PDE4D: variants seen among roughly 807,000 people sequenced by gnomAD.
The protein encoded by PDE4D is 3',5'-cyclic-AMP phosphodiesterase 4D.
PDE4D carries 24 observed loss-of-function variants against 87.4 expected under a neutral mutation model. The ratio of observed to expected loss-of-function variants is 0.27; its 90% CI spans 0.20 to 0.39. The LOEUF is 0.39. PDE4D is among the 10% of genes least tolerant of loss of function. The pLI, the probability that PDE4D is intolerant of heterozygous loss-of-function variation, is 1.00. For missense variants in PDE4D, 714 were observed against 1,041.0 expected, an observed-to-expected ratio of 0.69 and a Z score of 4.32; for synonymous variants, 384 against 383.2, an observed-to-expected ratio of 1.00 and a Z score of -0.02.
intron 1 of PDE4D, among the ~76,000 whole-genome samples, chr5:59,463,281 T>C (rs1473736578): frequency 6.6e-6 from 1 of 152,226 alleles, no homozygotes; most frequent in Admixed American, 6.5e-5. Flanking sequence ...CAATTCCTTA[T>C]ACTTTGGTTA....
At chr5:60,402,277 T>C (rs1741159579) in intron 1 of PDE4D, among the ~76,000 whole-genome samples, 1 of 152,126 alleles carries the variant, frequency 6.6e-6, no homozygotes, top group African/African-American at 2.4e-5. Flanking sequence ...TGGGAAGACA[T>C]GCGAATTTTG....
intron 5 of PDE4D, among the ~76,000 whole-genome samples, chr5:59,121,277 G>T (rs912656682): frequency 6.6e-6 from 1 of 152,110 alleles, no homozygotes; most frequent in African/African-American, 2.4e-5. Context: ...TCTATTAAAT[G>T]GGAGAAAATA....
intron 1 of PDE4D, among the ~76,000 whole-genome samples, chr5:59,272,979 G>A (rs1248296558): frequency 1.3e-5 from 2 of 152,222 alleles, no homozygotes; most frequent in South Asian, 2.1e-4. Context: ...AGGGAATCCC[G>A]GAGGACAGTA....
At chr5:59,437,823 T>C (rs1249062705) in intron 1 of PDE4D, among the ~76,000 whole-genome samples, 1 of 152,242 alleles carries the variant, frequency 6.6e-6, no homozygotes, top group Non-Finnish European at 1.5e-5. Context: ...CGTATTAGTC[T>C]GTTCTCATGC....
intron 1 of PDE4D, among the ~76,000 whole-genome samples, chr5:59,466,996 T>C (rs1028676927): frequency 3.3e-5 from 5 of 152,136 alleles, no homozygotes; most frequent in African/African-American, 1.2e-4. Context: ...GTTGAGGTCA[T>C]AAGTGTGGGC....
intron 1 of PDE4D, among the ~76,000 whole-genome samples, chr5:59,712,058 G>A (rs1237108064): frequency 1.3e-5 from 2 of 151,998 alleles, no homozygotes; most frequent in African/African-American, 4.8e-5. Flanking sequence ...TTTGACTTCT[G>A]ATGCATGGAC....
chr5:59,534,663 G>A (rs1814826113), intron 1 of PDE4D, among the ~76,000 whole-genome samples: 1 of 152,208 alleles, frequency 6.6e-6, no homozygotes, highest in African/African-American at 2.4e-5. Flanking sequence ...CACCATCCAG[G>A]ACTTCCTGAG....
intron 1 of PDE4D, among the ~76,000 whole-genome samples, chr5:60,467,717 A>C (rs1387247551): frequency 6.6e-6 from 1 of 152,204 alleles, no homozygotes; most frequent in African/African-American, 2.4e-5. Flanking sequence ...CCAGCTCCCC[A>C]GGCTTAACAG....
intron 1 of PDE4D, among the ~76,000 whole-genome samples, chr5:60,459,443 A>T (rs1345089296): frequency 1.3e-5 from 2 of 152,082 alleles, no homozygotes; most frequent in Non-Finnish European, 2.9e-5. Context: ...GGTAAATGCT[A>T]ACTGTCCATA....
intron 1 of PDE4D, among the ~76,000 whole-genome samples, chr5:59,526,712 C>G (rs976743175): frequency 4.6e-5 from 7 of 152,124 alleles, no homozygotes; most frequent in African/African-American, 1.2e-4. Flanking sequence ...CAACCTCTGC[C>G]TCTCAGGCTC....
At chr5:60,091,411 AT>A (rs1775095347) in intron 2 of PDE4D, among the ~76,000 whole-genome samples, 1 of 152,214 alleles carries the variant, frequency 6.6e-6, no homozygotes, top group Non-Finnish European at 1.5e-5. Context: ...TATCAGGGAA[AT>A]GCAAATGAAA....
intron 1 of PDE4D, among the ~76,000 whole-genome samples, chr5:60,471,527 G>T (rs1747810654): frequency 6.6e-6 from 1 of 152,178 alleles, no homozygotes; most frequent in African/African-American, 2.4e-5. Flanking sequence ...ATGAAAGGAA[G>T]AGTCGATTGA....
chr5:59,472,035 G>A (rs866789528), intron 1 of PDE4D, among the ~76,000 whole-genome samples: 5 of 152,224 alleles, frequency 3.3e-5, no homozygotes, highest in Middle Eastern at 6.8e-3. Flanking sequence ...TGACAGTAGG[G>A]AGATGTGAAA....
intron 5 of PDE4D, among the ~76,000 whole-genome samples, chr5:59,175,725 G>T (rs1267037429): frequency 6.7e-6 from 1 of 149,534 alleles, no homozygotes; most frequent in Non-Finnish European, 1.5e-5. Context: ...TGATCCACCC[G>T]CCTTGGCCTC....
chr5:59,364,401 A>C (rs1452968528), intron 1 of PDE4D, among the ~76,000 whole-genome samples: 1 of 152,212 alleles, frequency 6.6e-6, no homozygotes, highest in African/African-American at 2.4e-5. Context: ...AATTAAACTT[A>C]CTACCTTAAA....
intron 1 of PDE4D, among the ~76,000 whole-genome samples, chr5:59,474,089 C>T (rs1802893720): frequency 6.6e-6 from 1 of 152,080 alleles, no homozygotes; most frequent in Admixed American, 6.6e-5. Context: ...TCCTATTTAA[C>T]TAAAATCACG....
intron 2 of PDE4D, among the ~76,000 whole-genome samples, chr5:60,053,704 A>T (rs1463881485): frequency 6.6e-6 from 1 of 152,218 alleles, no homozygotes; most frequent in Non-Finnish European, 1.5e-5. Context: ...ATCTAATCAA[A>T]GAGCTTCTTC....
intron 1 of PDE4D, among the ~76,000 whole-genome samples, chr5:60,476,241 A>C (rs1304672642): frequency 7.2e-5 from 11 of 152,216 alleles, no homozygotes; most frequent in Admixed American, 7.2e-4. Flanking sequence ...ATAGCACCTA[A>C]AAGTAACTGA....
At chr5:59,708,345 T>C (rs1475483706) in intron 1 of PDE4D, among the ~76,000 whole-genome samples, 1 of 152,090 alleles carries the variant, frequency 6.6e-6, no homozygotes, top group African/African-American at 2.4e-5. Context: ...GAGATAGACA[T>C]GAAAAGCCCT....
Sources: gnomAD v4.1 joint callset for allele counts (sites outside exome capture counted in the v4.1 genomes callset) on GRCh38, gnomAD v4.1.1 for gene constraint, MANE v1.5 for transcripts, NCBI Gene and HGNC (gene_info 2026-07-23, HGNC 2026-07-21) for gene names.